Variants in TNRC6C observed in about 807,000 individuals in gnomAD.
TNRC6C encodes trinucleotide repeat containing adaptor 6C.
Under a neutral mutation model 153.7 loss-of-function variants are expected in TNRC6C, and 20 were observed. The observed-to-expected ratio is 0.13, with a 90% CI of 0.09 to 0.19. TNRC6C has a LOEUF of 0.19. TNRC6C is among the 10% of genes least tolerant of loss of function. The probability of loss-of-function intolerance (pLI) is 1.00; values close to 1 mark genes in which losing one functional copy is unlikely to be tolerated. For missense variants in TNRC6C, 1,987 were observed against 2,172.0 expected, an observed-to-expected ratio of 0.91 and a Z score of 1.69; for synonymous variants, 811 against 841.4, an observed-to-expected ratio of 0.96 and a Z score of 0.63.
intron 16 of TNRC6C, among the ~76,000 whole-genome samples, chr17:78,096,002 G>A (rs1312341383): frequency 1.3e-5 from 2 of 152,200 alleles, no homozygotes; most frequent in Non-Finnish European, 1.5e-5. Flanking sequence ...AGTGAGCTGT[G>A]ATTGGGCCAC....
At chr17:78,066,437 T>A (rs952257339) in intron 4 of TNRC6C, 2 of 151,912 alleles carry the variant, frequency 1.3e-5, no homozygotes, top group African/African-American at 4.8e-5. Flanking sequence ...TTTATATTAC[T>A]TTTTTTTACA....
Position 78,077,193 on chromosome 17 carries a change from C to T in TNRC6C, c.3069C>T (p.Gly1023=), listed in dbSNP as rs775315792. 6 of 1,600,982 alleles carry T rather than the reference C, an allele frequency of 3.7e-6. No individual in the cohort carries two copies. The East Asian group carries it at 1.3e-4, about 36-fold the overall frequency. ...TTTCTTTCTCCAATCAGGATGGCGG[C>T]CTCGTGGAAGAGCCCACGCCTTCAC... The change falls in exon 9 of 20, where the codon GGC becomes GGT. Residue 1023 remains glycine, a synonymous_variant. Coordinates refer to ENST00000301624, the Ensembl canonical transcript of TNRC6C.
At chr17:77,982,829 T>G (rs2071099955) in intron 1 of TNRC6C, among the ~76,000 whole-genome samples, 1 of 151,836 alleles carries the variant, frequency 6.6e-6, no homozygotes, top group Non-Finnish European at 1.5e-5. Context: ...AGATTTCATG[T>G]CAAAAAAAAG....
chr17:77,973,737 A>G (rs28832064), intron 1 of TNRC6C, among the ~76,000 whole-genome samples: 1,746 of 152,228 alleles, frequency 0.011, 39 homozygotes, highest in African/African-American at 0.038. Flanking sequence ...CTCATTCACT[A>G]TAACATCAAA....
Position 78,083,177 on chromosome 17 carries a change from A to C in TNRC6C, c.3477+11A>C, listed in dbSNP as rs370272710. On this transcript the variant is annotated intron_variant, in intron 11 of 19. Transcript: ENST00000301624. ...TATCAGCTGCAGCTGGTGAGTGGAT[A>C]GACCCATGCAAGTTAGAGCACGCAG... The C allele has an allele frequency of 6.2e-7, 1 of 1,613,666 alleles. No homozygotes were observed. Among genetic ancestry groups the C allele is most frequent in the Non-Finnish European group, 8.5e-7 (1 of 1,179,894 alleles).
exon 7 of TNRC6C, chr17:78,073,090 C>A (rs2073025839): frequency 1.3e-6 from 2 of 1,555,248 alleles, no homozygotes; most frequent in Non-Finnish European, 1.7e-6. Context: ...TTGATCAGGC[C>A]ATGAGTAAGT....
Position 77,993,282 on chromosome 17 carries a change from A to T in TNRC6C, c.-37-10888A>T, listed in dbSNP as rs1319188004. Among the ~76,000 whole-genome samples the T allele has an allele frequency of 2.0e-5, 3 of 152,114 alleles. No homozygotes were observed. In the East Asian group the frequency reaches 5.8e-4, roughly 29 times the overall value. On this transcript the variant is annotated intron_variant, in intron 1 of 22. Transcript: ENST00000636222. ...CGGCCCTATCACTTTTTTTTATTTT[A>T]AAAGAAACCAGAAAGCCAAAAGGTG...
chr17:77,983,781 TTATATA>T (rs948039945), intron 1 of TNRC6C, among the ~76,000 whole-genome samples: 1 of 152,194 alleles, frequency 6.6e-6, no homozygotes, highest in Non-Finnish European at 1.5e-5. Context: ...CCCCCTTATT[TTATATA>T]TAATTACTGG....
intron 1 of TNRC6C, among the ~76,000 whole-genome samples, chr17:77,967,146 G>T (rs1037422718): frequency 1.3e-5 from 2 of 152,164 alleles, no homozygotes; most frequent in African/African-American, 4.8e-5. Flanking sequence ...TGTATATGTA[G>T]TGTGGCATTT....
rs1415888762 is a variant in TNRC6C, at chr17:78,075,395, CT to C, written c.3060+121del. The C allele has an allele frequency of 7.3e-6, 9 of 1,225,860 alleles. No individual in the cohort carries two copies. The East Asian group carries it at 2.3e-4, about 32-fold the overall frequency. 75.9% of individuals were successfully genotyped at this position (1,225,860 alleles called of 1,614,324 possible). ...TTGCTGGACTATAATACTTAAGTGA[CT>C]TTTATCCATTTTTTTCTAACATTAT... On this transcript the variant is annotated intron_variant, in intron 8 of 19. Coordinates refer to ENST00000301624, the Ensembl canonical transcript of TNRC6C. This position sits in a 1 kb window ranked among gnomAD's most constrained non-coding sequence, Gnocchi z 4.2.
chr17:78,085,092 G>C (rs1301843141), intron 11 of TNRC6C, among the ~76,000 whole-genome samples: 1 of 152,180 alleles, frequency 6.6e-6, no homozygotes, highest in Non-Finnish European at 1.5e-5. Flanking sequence ...GGCACTCATA[G>C]AAAAAGCATG....
intron 1 of TNRC6C, among the ~76,000 whole-genome samples, chr17:77,997,991 G>T (rs1363238756): frequency 6.6e-6 from 1 of 152,056 alleles, no homozygotes; most frequent in Admixed American, 6.5e-5. Flanking sequence ...TTTGTTTCCT[G>T]TCATTCCTTT....
chr17:77,982,323 C>T (rs1347323754), intron 1 of TNRC6C, among the ~76,000 whole-genome samples: 1 of 151,494 alleles, frequency 6.6e-6, no homozygotes, highest in South Asian at 2.1e-4. Flanking sequence ...TTTAGAATGC[C>T]TTGTAAGAAC....
intron 8 of TNRC6C, among the ~76,000 whole-genome samples, chr17:78,076,434 A>G (rs1046578429): frequency 2.0e-5 from 3 of 152,172 alleles, no homozygotes; most frequent in Non-Finnish European, 4.4e-5. Flanking sequence ...ATTACAGATA[A>G]ATAATTTTTG....
chr17:77,984,230 G>C (rs2071123624), intron 1 of TNRC6C, among the ~76,000 whole-genome samples: 1 of 151,958 alleles, frequency 6.6e-6, no homozygotes, highest in African/African-American at 2.4e-5. Flanking sequence ...AGGAGAAAAG[G>C]GTCTTCCCAG....
chr17:77,991,476 GCAAGTTGT>G (rs1235775287), intron 1 of TNRC6C, among the ~76,000 whole-genome samples: 19 of 152,148 alleles, frequency 1.2e-4, no homozygotes, highest in Non-Finnish European at 2.8e-4. Context: ...CTAGATGTGG[GCAAGTTGT>G]GGTCACTTGA....
At chr17:78,048,785 G>T (rs1264597937) in intron 2 of TNRC6C, 60 bp from the exon 5 acceptor site, 2 of 1,228,120 alleles carry the variant, frequency 1.6e-6, no homozygotes, top group Non-Finnish European at 2.0e-6. Context: ...CTAGTTAACA[G>T]TTGATTCATT....
intron 1 of TNRC6C, among the ~76,000 whole-genome samples, chr17:77,959,566 C>T (rs1414146346): frequency 6.6e-6 from 1 of 152,136 alleles, no homozygotes; most frequent in East Asian, 1.9e-4. Flanking sequence ...ACTCATGCAG[C>T]GGTGAAATTC....
At position 78,051,370 on chromosome 17, in the gene TNRC6C, A is replaced by G. The variant is rs2072529854; in HGVS notation, c.2308A>G (p.Asn770Asp). Residue 770 changes from asparagine to aspartate, a missense_variant, in exon 3 of 20, where the codon AAC (asparagine) becomes GAC (aspartate). Transcript: ENST00000301624. ...CACCACCACCACCACTACCACGAGC[A>G]ACACCACACACAGGGTCGAGACGCC... 4 of 1,551,388 alleles carry G rather than the reference A, an allele frequency of 2.6e-6. No homozygotes were observed.
Sources: gnomAD v4.1 joint callset for allele counts (sites outside exome capture counted in the v4.1 genomes callset) on GRCh38, gnomAD v4.1.1 for gene constraint, Gnocchi (gnomAD v3.1) non-coding constraint, MANE v1.5 for transcripts, NCBI Gene and HGNC (gene_info 2026-07-23, HGNC 2026-07-21) for gene names.